PTPN3: variants seen among roughly 807,000 people sequenced by gnomAD.
PTPN3 encodes the protein protein tyrosine phosphatase non-receptor type 3.
Under a neutral mutation model 132.7 loss-of-function variants are expected in PTPN3, and 96 were observed. That is an observed-to-expected ratio of 0.72 (90% CI 0.61 to 0.86). The LOEUF (loss-of-function observed/expected upper bound fraction) is 0.86, where lower values mean the gene tolerates loss of function less well. PTPN3 is among the 40% of genes least tolerant of loss of function. The pLI is 0.00. For synonymous variants in PTPN3, 398 were observed against 429.0 expected (o/e 0.93, Z 0.89); for missense variants, 1,125 against 1,159.6 (o/e 0.97, Z 0.43).
chr9:109,460,784 T>A (rs1845808520), intron 2 of PTPN3, among the ~76,000 whole-genome samples: 1 of 152,212 alleles, frequency 6.6e-6, no homozygotes. Flanking sequence ...AGCACATATT[T>A]TTTTATGGCC....
intron 19 of PTPN3, among the ~76,000 whole-genome samples, chr9:109,394,988 A>C (rs1346694592): frequency 2.0e-5 from 3 of 152,030 alleles, no homozygotes; most frequent in Non-Finnish European, 4.4e-5. Flanking sequence ...AAATACAAAA[A>C]AATTAGCTGG....
chr9:109,460,493 TA>T (rs1181696069), intron 2 of PTPN3, among the ~76,000 whole-genome samples: 1 of 151,924 alleles, frequency 6.6e-6, no homozygotes, highest in Non-Finnish European at 1.5e-5. Context: ...CCCCACCCCT[TA>T]CCCCTGTTAT....
the PTPN3 span, chr9:109,534,264 G>A: frequency 7.2e-6 from 11 of 1,534,198 alleles, no homozygotes; most frequent in South Asian, 1.0e-4. Context: ...TGGTGTCACC[G>A]GCGCTGAGGG....
At chr9:109,462,003 C>T (rs547704378) in intron 2 of PTPN3, among the ~76,000 whole-genome samples, 1 of 152,324 alleles carries the variant, frequency 6.6e-6, no homozygotes, top group Admixed American at 6.5e-5. Context: ...AACTGAATTT[C>T]CTTGCTGGAG....
chr9:109,519,423 C>T, the PTPN3 span, among the ~76,000 whole-genome samples: 1 of 152,166 alleles, frequency 6.6e-6, no homozygotes, highest in Non-Finnish European at 1.5e-5. Flanking sequence ...GTATTTTTGA[C>T]TTAGTACGTT....
At chr9:109,521,971 AGAGGAAACC>A in the PTPN3 span, among the ~76,000 whole-genome samples, 19,508 of 97,136 alleles carry the variant, frequency 0.2, 1,467 homozygotes, top group South Asian at 0.36. Context: ...CTCTCCTTAG[AGAGGAAACC>A]GAGGCTTAGA....
At chr9:109,390,668 G>A (rs564426537) in intron 21 of PTPN3, among the ~76,000 whole-genome samples, 2 of 152,228 alleles carry the variant, frequency 1.3e-5, no homozygotes, top group East Asian at 1.9e-4. Flanking sequence ...CCCAAGATGC[G>A]TTTTTAGAGA....
intron 14 of PTPN3, among the ~76,000 whole-genome samples, chr9:109,416,351 A>G (rs1168957839): frequency 6.6e-6 from 1 of 152,106 alleles, no homozygotes; most frequent in Non-Finnish European, 1.5e-5. Context: ...CAGGGCTCTC[A>G]GGGCTGGGGG....
Position 109,498,003 on chromosome 9 carries a change from C to T in PTPN3, c.-18+216G>A, listed in dbSNP as rs1847757168. 6.9e-6 allele frequency among the ~76,000 whole-genome samples: 1 copy of T among 145,678 alleles called. No individual in the cohort carries two copies. The highest frequency in any genetic ancestry group is 6.8e-5 in the Admixed American group (1 of 14,694). On this transcript the variant is annotated intron_variant, in intron 1 of 25. Transcript: ENST00000374541. The surrounding 1 kb of genome is among the most constrained non-coding windows in gnomAD (Gnocchi z 4.2). ...GCCCCACCCGGCGCCCCGCCCGCGC[C>T]CTCCCGCCCCGGCCCCGCCAGGTGA...
intron 4 of PTPN3, among the ~76,000 whole-genome samples, chr9:109,456,070 G>C (rs1162435203): frequency 3.9e-5 from 6 of 152,100 alleles, no homozygotes; most frequent in African/African-American, 9.7e-5. Context: ...TTTGAGAATC[G>C]GGCTCCCTGT....
chr9:109,517,246 T>C, the PTPN3 span, among the ~76,000 whole-genome samples: 2 of 152,162 alleles, frequency 1.3e-5, no homozygotes, highest in South Asian at 4.1e-4. Context: ...TTCACCTTTG[T>C]GTGGCCAGAA....
At chr9:109,390,885 A>G (rs887870618) in intron 21 of PTPN3, among the ~76,000 whole-genome samples, 3 of 152,218 alleles carry the variant, frequency 2.0e-5, no homozygotes, top group Non-Finnish European at 4.4e-5. Context: ...CGATTGAATT[A>G]GAAACACAGA....
At chr9:109,520,158 CAA>C in the PTPN3 span, among the ~76,000 whole-genome samples, 14 of 125,426 alleles carry the variant, frequency 1.1e-4, no homozygotes, top group Non-Finnish European at 6.9e-5. Flanking sequence ...GAGTCTGTCT[CAA>C]AAAAAAAAAA....
chr9:109,471,664 G>C (rs917865448), intron 1 of PTPN3, among the ~76,000 whole-genome samples: 1 of 126,152 alleles, frequency 7.9e-6, no homozygotes, highest in Admixed American at 8.7e-5. Flanking sequence ...TTGTCATATG[G>C]AAGGCACTTT....
At chr9:109,421,702 A>G (rs951447975) in intron 13 of PTPN3, among the ~76,000 whole-genome samples, 1 of 152,258 alleles carries the variant, frequency 6.6e-6, no homozygotes, top group Non-Finnish European at 1.5e-5. Flanking sequence ...CAAGAAGCAA[A>G]TCTATTCAGT....
chr9:109,437,606 T>C (rs1307649160), intron 8 of PTPN3, among the ~76,000 whole-genome samples: 1 of 152,172 alleles, frequency 6.6e-6, no homozygotes, highest in African/African-American at 2.4e-5. Context: ...GGCATATGTG[T>C]TGGAGCTGAG....
Position 109,404,593 on chromosome 9 carries a change from G to A in PTPN3, c.1808C>T (p.Ala603Val). Residue 603 changes from alanine (A) to valine (V), a missense_variant, in exon 19 of 26, where the codon GCT becomes GTT. Transcript: ENST00000374541. ...VIRRRAVRSF[A>V]DFKSEDELNQ... ...CAGTTCATCTTCAGACTTGAAGTCA[G>A]CAAATGAGCGGACAGCTGTAACGTA... 1 of 1,541,154 alleles carries A rather than the reference G, an allele frequency of 6.5e-7. No homozygotes were observed. The highest frequency in any genetic ancestry group is 8.8e-7 in the Non-Finnish European group (1 of 1,132,022).
Position 109,382,372 on chromosome 9 carries a change from C to T in PTPN3, c.2458G>A (p.Asp820Asn), listed in dbSNP as rs757957361. The part of the protein sequence containing the change: ...PDHGVPDDSS[D>N]FLEFVNYVRS... Reference sequence around the variant, plus strand: ...ACATAGTTTACAAATTCCAGAAAGTCGGAGGAGTCATCGGGCACACCGTGG... The same window carrying T: ...ACATAGTTTACAAATTCCAGAAAGTTGGAGGAGTCATCGGGCACACCGTGG... The change falls in exon 24 of 26, where the codon GAC becomes AAC. Residue 820 changes from aspartate to asparagine, a missense_variant. Coordinates refer to ENST00000374541, the MANE Select transcript of PTPN3 (RefSeq NM_002829.4). The T allele has an allele frequency of 6.9e-5, 111 of 1,613,974 alleles. No homozygotes were observed. The highest frequency in any genetic ancestry group is 8.9e-5 in the Non-Finnish European group (105 of 1,179,980).
chr9:109,502,671 G>C (rs1208291549), upstream of PTPN3, among the ~76,000 whole-genome samples: 2 of 152,130 alleles, frequency 1.3e-5, no homozygotes, highest in Admixed American at 1.3e-4. Context: ...TGGCACCCAT[G>C]TGTGGTCCCA....
Sources: allele counts gnomAD v4.1 joint callset (sites outside exome capture counted in the v4.1 genomes callset), GRCh38; gene constraint gnomAD v4.1.1; non-coding constraint Gnocchi (gnomAD v3.1); transcripts MANE v1.5; gene names NCBI Gene and HGNC (gene_info 2026-07-23, HGNC 2026-07-21).